PTPRD: variants seen among roughly 807,000 people sequenced by gnomAD.
PTPRD encodes protein tyrosine phosphatase receptor type D.
A neutral mutation model predicts 214.5 loss-of-function variants in PTPRD; 34 were observed. The ratio of observed to expected loss-of-function variants is 0.16; its 90% confidence interval spans 0.12 to 0.21. The LOEUF (loss-of-function observed/expected upper bound fraction) is 0.21, where lower values mean the gene tolerates loss of function less well. Among genes scored for constraint, PTPRD ranks in the 10% least tolerant of loss-of-function variants. The pLI is 1.00. For missense variants in PTPRD, 2,545 were observed against 2,398.7 expected (o/e 1.06, Z -1.27); for synonymous variants, 1,128 against 845.7 (o/e 1.33, Z -5.79).
chr9:9,782,575 A>C (rs985084287), intron 5 of PTPRD, among the ~76,000 whole-genome samples: 19 of 152,184 alleles, frequency 1.2e-4, no homozygotes, highest in African/African-American at 4.3e-4. Context: ...GGACTCCCTC[A>C]ACTTTGAACT....
intron 2 of PTPRD, among the ~76,000 whole-genome samples, chr9:10,356,593 G>A (rs112275502): frequency 7.1e-4 from 108 of 152,192 alleles, no homozygotes; most frequent in African/African-American, 2.1e-3. Flanking sequence ...AACATAATGC[G>A]TTTTTACCTT....
intron 9 of PTPRD, among the ~76,000 whole-genome samples, chr9:9,350,522 T>C (rs1320997467): frequency 6.6e-6 from 1 of 152,052 alleles, no homozygotes; most frequent in Non-Finnish European, 1.5e-5. Flanking sequence ...CCCTTTTGTG[T>C]CAACAATCTG....
chr9:8,792,777 GAC>G (rs1240303779), intron 11 of PTPRD, among the ~76,000 whole-genome samples: 1 of 152,116 alleles, frequency 6.6e-6, no homozygotes, highest in Admixed American at 6.5e-5. Context: ...GCTCATAAAA[GAC>G]ACACTTTCCT....
intron 2 of PTPRD, among the ~76,000 whole-genome samples, chr9:10,508,160 G>C (rs1038745242): frequency 2.0e-5 from 3 of 152,212 alleles, no homozygotes; most frequent in African/African-American, 7.2e-5. Flanking sequence ...CTTCTCAAAA[G>C]AAGACGTTTA....
At chr9:10,122,699 G>C (rs140506540) in intron 3 of PTPRD, among the ~76,000 whole-genome samples, 2,649 of 152,148 alleles carry the variant, frequency 0.017, 27 homozygotes, top group Non-Finnish European at 0.028. Context: ...CTAAATCACA[G>C]CTCTAGTTTG....
At chr9:9,805,426 T>C (rs144863117) in intron 5 of PTPRD, among the ~76,000 whole-genome samples, 1 of 152,218 alleles carries the variant, frequency 6.6e-6, no homozygotes, top group East Asian at 1.9e-4. Flanking sequence ...AAACGCAAGG[T>C]GATTTGACTT....
At chr9:10,067,143 T>C (rs188091962) in intron 3 of PTPRD, among the ~76,000 whole-genome samples, 3 of 152,054 alleles carry the variant, frequency 2.0e-5, no homozygotes, top group South Asian at 2.1e-4. Flanking sequence ...GTGCTTGGCA[T>C]TGTGAATCAT....
At chr9:8,444,268 T>C (rs1305285175) in intron 34 of PTPRD, among the ~76,000 whole-genome samples, 1 of 152,172 alleles carries the variant, frequency 6.6e-6, no homozygotes, top group African/African-American at 2.4e-5. Flanking sequence ...ACCATCATTG[T>C]CATTATCTGT....
At chr9:8,462,268 G>A (rs2096432903) in intron 32 of PTPRD, among the ~76,000 whole-genome samples, 1 of 151,924 alleles carries the variant, frequency 6.6e-6, no homozygotes, top group Non-Finnish European at 1.5e-5. Context: ...AAAAGGAATA[G>A]AATGGAAACA....
At chr9:8,874,961 T>C (rs1427215658) in intron 11 of PTPRD, among the ~76,000 whole-genome samples, 1 of 152,050 alleles carries the variant, frequency 6.6e-6, no homozygotes, top group Non-Finnish European at 1.5e-5. Context: ...GGAGATTCAC[T>C]CAGGTGGAGC....
intron 9 of PTPRD, among the ~76,000 whole-genome samples, chr9:9,250,115 T>G (rs778816196): frequency 1.3e-5 from 2 of 152,088 alleles, no homozygotes; most frequent in Non-Finnish European, 2.9e-5. Flanking sequence ...GAGCACACCA[T>G]GAACAGTCGC....
At chr9:9,913,226 G>T (rs898091155) in intron 5 of PTPRD, among the ~76,000 whole-genome samples, 1 of 152,142 alleles carries the variant, frequency 6.6e-6, no homozygotes. Context: ...AATGTGGTTA[G>T]CTACAGAGCA....
chr9:9,802,108 A>C (rs1301319559), intron 5 of PTPRD, among the ~76,000 whole-genome samples: 2 of 152,068 alleles, frequency 1.3e-5, no homozygotes, highest in East Asian at 1.9e-4. Flanking sequence ...GGTTTATTAG[A>C]ATATTGTGTT....
At chr9:10,267,879 G>A (rs1324952443) in intron 3 of PTPRD, among the ~76,000 whole-genome samples, 1 of 152,106 alleles carries the variant, frequency 6.6e-6, no homozygotes, top group Non-Finnish European at 1.5e-5. Context: ...GGTGAATACA[G>A]TAAAAGTGAA....
intron 2 of PTPRD, among the ~76,000 whole-genome samples, chr9:10,472,903 A>C (rs2131782583): frequency 6.6e-6 from 1 of 152,162 alleles, no homozygotes; most frequent in Non-Finnish European, 1.5e-5. Flanking sequence ...AAATTATAGT[A>C]TTTAAAAACA....
chr9:8,647,275 C>G (rs1027370159), intron 12 of PTPRD, among the ~76,000 whole-genome samples: 1 of 152,192 alleles, frequency 6.6e-6, no homozygotes, highest in African/African-American at 2.4e-5. Context: ...TGACTTTACT[C>G]TTCTAATTGT....
intron 8 of PTPRD, among the ~76,000 whole-genome samples, chr9:9,486,331 A>G (rs1053665122): frequency 2.6e-5 from 4 of 151,920 alleles, no homozygotes; most frequent in African/African-American, 9.7e-5. Context: ...TCTCTTTTCC[A>G]CCCCATCACT....
intron 11 of PTPRD, among the ~76,000 whole-genome samples, chr9:8,951,075 AT>A (rs1450710673): frequency 6.6e-6 from 1 of 151,672 alleles, no homozygotes; most frequent in Admixed American, 6.6e-5. Context: ...TGTGAATATT[AT>A]CTTTCTTATT....
intron 11 of PTPRD, among the ~76,000 whole-genome samples, chr9:9,004,717 C>CCAGAG (rs1349202779): frequency 6.6e-6 from 1 of 151,950 alleles, no homozygotes; most frequent in Non-Finnish European, 1.5e-5. Flanking sequence ...TGCCTGTATA[C>CCAGAG]CAGAGGTAGG....
Sources: allele counts gnomAD v4.1 joint callset (sites outside exome capture counted in the v4.1 genomes callset), GRCh38; gene constraint gnomAD v4.1.1; transcripts MANE v1.5; gene names NCBI Gene and HGNC (gene_info 2026-07-23, HGNC 2026-07-21).